Variants in GALNT13 observed in about 807,000 individuals in gnomAD.
GALNT13 encodes polypeptide N-acetylgalactosaminyltransferase 13, also known as UDP-GalNAc:polypeptide N-acetylgalactosaminyltransferase 13.
GALNT13 carries 28 observed loss-of-function variants against 64.2 expected under a neutral mutation model. That is an observed-to-expected ratio of 0.44 (90% CI 0.32 to 0.60). GALNT13 has a LOEUF of 0.60. Ranked by LOEUF, GALNT13 falls within the 20% of genes least tolerant of loss-of-function variation. The pLI is 0.05. For missense variants in GALNT13, 577 were observed against 669.8 expected (o/e 0.86, Z 1.53); for synonymous variants, 214 against 224.6 (o/e 0.95, Z 0.42).
In GALNT13 at chr2:154,242,484, CAATT is replaced by C. The variant is rs367690133; in HGVS notation, c.479-213_479-210del. ...TCAAAAATATATCTTTTTTCCAACT[CAATT>C]GATTATATTATTGAGCATTCTCATA... On this transcript the variant is annotated intron_variant, in intron 5 of 12. Transcript: ENST00000392825. Among the ~76,000 whole-genome samples, 53 of 152,082 alleles carry C rather than the reference CAATT, an allele frequency of 3.5e-4. No individual in the cohort carries two copies. The East Asian group carries it at 6.2e-3, about 18-fold the overall frequency.
chr2:153,580,615 A>T, the GALNT13 span, among the ~76,000 whole-genome samples: 1 of 152,212 alleles, frequency 6.6e-6, no homozygotes, highest in Non-Finnish European at 1.5e-5. Context: ...GAGAAGAAAG[A>T]AACAAAAATA....
intron 1 of GALNT13, among the ~76,000 whole-genome samples, chr2:153,886,189 AAC>A (rs1022357276): frequency 7.9e-5 from 12 of 151,852 alleles, no homozygotes; most frequent in African/African-American, 2.9e-4. Flanking sequence ...AAAAAAAAAA[AAC>A]AAATTAACAA....
chr2:153,419,714 A>C, the GALNT13 span, among the ~76,000 whole-genome samples: 1 of 152,192 alleles, frequency 6.6e-6, no homozygotes, highest in East Asian at 1.9e-4. Context: ...GTGTAAATGG[A>C]ATTAAGGTCA....
chr2:154,377,393 GAAAGA>G (rs1238259149), intron 9 of GALNT13, among the ~76,000 whole-genome samples: 1 of 152,020 alleles, frequency 6.6e-6, no homozygotes, highest in Admixed American at 6.6e-5. Flanking sequence ...ATTTACAGAA[GAAAGA>G]AAAGAAAGAG....
At chr2:153,769,503 C>T in the GALNT13 span, among the ~76,000 whole-genome samples, 4 of 152,020 alleles carry the variant, frequency 2.6e-5, no homozygotes, top group Non-Finnish European at 5.9e-5. Flanking sequence ...TATTGCCACT[C>T]TTAGCATTTT....
chr2:154,168,773 G>A lies in GALNT13; in HGVS notation c.311+28268G>A, dbSNP rs142108966. Among the ~76,000 whole-genome samples, 1,076 of 152,144 alleles carry A rather than the reference G, an allele frequency of 7.1e-3. 4 individuals are homozygous for A. The highest frequency in any genetic ancestry group is 0.014 in the Middle Eastern group (4 of 292). On this transcript the variant is annotated intron_variant, in intron 4 of 12. Transcript: ENST00000392825. The stretch of plus-strand genomic sequence containing the variant: ...CAGGAGAATCACTTGAACCCGGGAG[G>A]TGGAGGTTGCAGTGAGTGAGATTGC...
At chr2:153,568,136 A>G in the GALNT13 span, among the ~76,000 whole-genome samples, 1 of 152,238 alleles carries the variant, frequency 6.6e-6, no homozygotes, top group Non-Finnish European at 1.5e-5. Context: ...ATTCTTATAA[A>G]GGAAAAGTTG....
intron 9 of GALNT13, among the ~76,000 whole-genome samples, chr2:154,367,099 G>A (rs1245427522): frequency 6.6e-6 from 1 of 151,490 alleles, no homozygotes; most frequent in African/African-American, 2.4e-5. Flanking sequence ...TTATATAACA[G>A]AGTAAAAATA....
chr2:153,450,745 C>T, the GALNT13 span, among the ~76,000 whole-genome samples: 1 of 152,062 alleles, frequency 6.6e-6, no homozygotes, highest in South Asian at 2.1e-4. Flanking sequence ...ACTTATCAGG[C>T]CATTAAAATG....
the GALNT13 span, among the ~76,000 whole-genome samples, chr2:153,823,699 A>G: frequency 6.6e-6 from 1 of 152,226 alleles, no homozygotes; most frequent in Admixed American, 6.5e-5. Context: ...CATTCTGGAC[A>G]TTGGATTTGC....
chr2:154,203,256 G>C (rs1026277879), intron 4 of GALNT13, among the ~76,000 whole-genome samples: 1 of 152,080 alleles, frequency 6.6e-6, no homozygotes, highest in Non-Finnish European at 1.5e-5. Flanking sequence ...TGAGTGTTTT[G>C]TATTCCTCTT....
At chr2:153,696,114 C>T in the GALNT13 span, among the ~76,000 whole-genome samples, 4,400 of 152,202 alleles carry the variant, frequency 0.029, 86 homozygotes, top group Middle Eastern at 0.054. Context: ...GAAGTCAGTC[C>T]GAGTCCCAAA....
At chr2:154,254,364 A>G (rs905064951) in intron 7 of GALNT13, among the ~76,000 whole-genome samples, 4 of 152,206 alleles carry the variant, frequency 2.6e-5, no homozygotes, top group African/African-American at 9.6e-5. Flanking sequence ...TCCTTAACAT[A>G]GATTTTTGAA....
chr2:154,376,343 G>A (rs2105322241), intron 9 of GALNT13, among the ~76,000 whole-genome samples: 1 of 152,176 alleles, frequency 6.6e-6, no homozygotes, highest in East Asian at 1.9e-4. Flanking sequence ...TATATAGTCA[G>A]ATAAGAACAC....
chr2:154,267,439 A>G (rs949537267), intron 8 of GALNT13, among the ~76,000 whole-genome samples: 4 of 152,258 alleles, frequency 2.6e-5, no homozygotes, highest in African/African-American at 7.2e-5. Context: ...CAGGAGTTTG[A>G]GAGTAGCCTG....
At chr2:153,478,728 A>G in the GALNT13 span, 1 of 628,230 alleles carries the variant, frequency 1.6e-6, no homozygotes, top group Non-Finnish European at 2.8e-6. Context: ...GTTTCCCAGG[A>G]GCCTCTCCGA....
chr2:153,628,966 T>C, the GALNT13 span, among the ~76,000 whole-genome samples: 2,572 of 152,162 alleles, frequency 0.017, 47 homozygotes, highest in African/African-American at 0.049. Flanking sequence ...GCTGTGAATC[T>C]GTCTGGTCCT....
At chr2:153,106,152 G>A in the GALNT13 span, among the ~76,000 whole-genome samples, 2 of 152,140 alleles carry the variant, frequency 1.3e-5, no homozygotes, top group African/African-American at 4.8e-5. Flanking sequence ...ACTTTTGACA[G>A]TTGAGCTCTG....
At chr2:153,627,790 C>A in the GALNT13 span, among the ~76,000 whole-genome samples, 3 of 152,216 alleles carry the variant, frequency 2.0e-5, no homozygotes, top group East Asian at 5.8e-4. Flanking sequence ...AGCGTGATGC[C>A]TCCAGCTTTG....
Sources: gnomAD v4.1 joint callset for allele counts (sites outside exome capture counted in the v4.1 genomes callset) on GRCh38, gnomAD v4.1.1 for gene constraint, MANE v1.5 for transcripts, NCBI Gene and HGNC (gene_info 2026-07-23, HGNC 2026-07-21) for gene names.